Variants in TTC16 observed in about 807,000 individuals in gnomAD.
The protein encoded by TTC16 is tetratricopeptide repeat protein 16.
TTC16 carries 66 observed loss-of-function variants against 80.4 expected under a neutral mutation model. The observed-to-expected ratio is 0.82, with a 90% confidence interval of 0.67 to 1.01. The LOEUF (loss-of-function observed/expected upper bound fraction) is 1.01, where lower values mean the gene tolerates loss of function less well. Ranked by LOEUF, TTC16 falls within the 50% of genes least tolerant of loss-of-function variation. The pLI, the probability that TTC16 is intolerant of heterozygous loss-of-function variation, is 0.00. For synonymous variants in TTC16, 438 were observed against 451.3 expected (o/e 0.97, Z 0.37); for missense variants, 1,070 against 1,103.2 (o/e 0.97, Z 0.43).
At position 127,730,718 on chromosome 9, in the gene TTC16, C is replaced by T. The variant is rs1336723104; in HGVS notation, c.1935C>T (p.Phe645=). The part of the protein sequence containing the change: ...YRSTSATAVT[F]SDSSLLKTQS... ...GCACCTCAGCCACCGCCGTGACATT[C>T]TCTGACTCGTCACTGTTGAAGACGC... The change falls in exon 14 of 14, where the codon TTC becomes TTT. Residue 645 remains phenylalanine (F), a synonymous_variant. Transcript: ENST00000373289. The T allele has an allele frequency of 1.2e-6, 2 of 1,613,562 alleles. No individual in the cohort carries two copies. Among genetic ancestry groups the T allele is most frequent in the Non-Finnish European group, 8.5e-7 (1 of 1,180,048 alleles).
In TTC16 at chr9:127,717,602, T is replaced by C. The variant is rs73600074; in HGVS notation, c.283-27T>C. 11,329 of 1,610,620 alleles carry C rather than the reference T, an allele frequency of 7.0e-3. 398 individuals are homozygous for C. The African/African-American group carries it at 0.085, about 12-fold the overall frequency. The stretch of plus-strand genomic sequence containing the variant: ...CCAGGGGCAGATGGTGGGGAGGATC[T>C]AGCAGCCTGGGTCCCCTCACCCTCA... On this transcript the variant is annotated intron_variant, in intron 3 of 13. Transcript: ENST00000373289.
intron 6 of TTC16, among the ~76,000 whole-genome samples, chr9:127,721,764 C>T (rs947984101): frequency 1.3e-5 from 2 of 151,976 alleles, no homozygotes; most frequent in African/African-American, 2.4e-5. Flanking sequence ...AGTGCAGTGG[C>T]GAGATCTCGG....
rs1183517598 is a variant in TTC16, at chr9:127,718,319, C to A, written c.426+547C>A. Among the ~76,000 whole-genome samples, 2 of 152,118 alleles carry A rather than the reference C, an allele frequency of 1.3e-5. No homozygotes were observed. Among genetic ancestry groups the A allele is most frequent in the African/African-American group, 2.4e-5 (1 of 41,430 alleles). On this transcript the variant is annotated intron_variant, in intron 4 of 13. Transcript: ENST00000373289. The surrounding 1 kb of genome is among the most constrained non-coding windows in gnomAD (Gnocchi z 4.6). ...CCCAGGCTGGTCTTGAACTCCTGGG[C>A]TCAGGCAATCCACCCACCTCGGCCT... is the stretch of plus-strand genomic sequence containing the variant.
chr9:127,717,239 G>A (rs754797962), intron 2 of TTC16, 95 bp from the exon 3 acceptor site: 55 of 1,322,090 alleles, frequency 4.2e-5, no homozygotes, highest in Middle Eastern at 1.8e-4. Context: ...TCTCCACCCA[G>A]CTCCCTTGCT....
rs531626328 is a variant in TTC16 at position 127,718,126 on chromosome 9, C to T, written c.426+354C>T. On this transcript the variant is annotated intron_variant, in intron 4 of 13. Transcript: ENST00000373289. The surrounding 1 kb of genome is among the most constrained non-coding windows in gnomAD (Gnocchi z 4.6). ...TATTTTTGAGACAGTCTTGCTCTGT[C>T]ACCCAGGCTGCAGTGCAGTGGCACG... Among the ~76,000 whole-genome samples the T allele has an allele frequency of 3.7e-4, 57 of 152,200 alleles. No homozygotes were observed. Among genetic ancestry groups the T allele is most frequent in the African/African-American group, 1.3e-3 (56 of 41,524 alleles).
intron 2 of TTC16, 126 bp downstream of exon 2, chr9:127,717,142 C>T: frequency 1.5e-6 from 2 of 1,349,070 alleles, no homozygotes; most frequent in Non-Finnish European, 2.1e-6. Context: ...GGGGCTCTTC[C>T]ACCTCAGTGG....
Position 127,724,574 on chromosome 9 carries a change from G to A in TTC16, c.1118-182G>A, listed in dbSNP as rs965526033. On this transcript the variant is annotated intron_variant, in intron 8 of 13. Transcript: ENST00000373289. ...AAACTGGCTCCAGACTCCTTAAAATGCTCAAAACAGGCAGCTGGGGAACAG... is the reference window on the plus strand; with the variant it reads ...AAACTGGCTCCAGACTCCTTAAAATACTCAAAACAGGCAGCTGGGGAACAG... 1.8e-5 allele frequency: 20 copies of A among 1,100,698 alleles called. No homozygotes were observed. In the Admixed American group the frequency reaches 5.7e-4, roughly 31 times the overall value. 68.2% of individuals were successfully genotyped at this position (1,100,698 alleles called of 1,614,324 possible).
chr9:127,716,992 C>T lies in TTC16; in HGVS notation c.167C>T (p.Thr56Ile), dbSNP rs1843074316. Residue 56 changes from threonine (T) to isoleucine (I), a missense_variant, in exon 2 of 14, where the codon ACA (threonine) becomes ATA (isoleucine). Coordinates refer to ENST00000373289, the MANE Select transcript of TTC16 (RefSeq NM_144965.3). ...CDVKPKVTGL[T>I]VPLKVREYYS... is the part of the protein sequence containing the mutation. ...GTAAAACCAAAGGTCACAGGGTTAA[C>T]AGTGCCCCTCAAAGTCAGGGAATAG... The T allele has an allele frequency of 1.9e-6, 3 of 1,613,864 alleles. No homozygotes were observed. The highest frequency in any genetic ancestry group is 2.5e-6 in the Non-Finnish European group (3 of 1,179,758).
At chr9:127,726,425 G>T (rs774402451) in intron 10 of TTC16, 21 bp downstream of exon 10, 5 of 1,570,236 alleles carry the variant, frequency 3.2e-6, no homozygotes, top group Non-Finnish European at 3.5e-6. Flanking sequence ...GCCACGTCAG[G>T]AGTGTAGGCT....
chr9:127,718,750 C>T lies in TTC16; in HGVS notation c.426+978C>T, dbSNP rs970051161. On this transcript the variant is annotated intron_variant, in intron 4 of 13. Coordinates refer to ENST00000373289, the MANE Select transcript of TTC16 (RefSeq NM_144965.3). The surrounding 1 kb of genome is among the most constrained non-coding windows in gnomAD (Gnocchi z 4.6). ...AGGATTACAGATGTGCATCAACATG[C>T]CTGGCTAATTTTTGTACTTTTAATA... is the stretch of plus-strand genomic sequence containing the variant. 6.6e-6 allele frequency among the ~76,000 whole-genome samples: 1 copy of T among 152,052 alleles called. No homozygotes were observed. Among genetic ancestry groups the T allele is most frequent in the Non-Finnish European group, 1.5e-5 (1 of 68,016 alleles).
Position 127,717,415 on chromosome 9 carries a change from C to A in TTC16, c.273C>A (p.Asp91Glu). 4 of 1,612,882 alleles carry A rather than the reference C, an allele frequency of 2.5e-6. No homozygotes were observed. Among genetic ancestry groups the A allele is most frequent in the Non-Finnish European group, 2.5e-6 (3 of 1,179,482 alleles). Residue 91 changes from aspartate (D) to glutamate (E), a missense_variant, in exon 3 of 14, where the codon GAC becomes GAA. Transcript: ENST00000373289. ...VLLFSRALHL[D>E]PQLVDFYALR... ...TCTTCTCCCGCGCACTCCACCTGGACCCACAGCTGGTGAGAGGCAGACCTG... is the reference window on the plus strand; with the variant it reads ...TCTTCTCCCGCGCACTCCACCTGGAACCACAGCTGGTGAGAGGCAGACCTG...
intron 6 of TTC16, 51 bp from the exon 7 acceptor site, chr9:127,723,068 C>T (rs967946604): frequency 1.5e-5 from 24 of 1,585,184 alleles, no homozygotes; most frequent in Non-Finnish European, 2.1e-5. Context: ...GCCTCTAGGT[C>T]CCGTGGCTCA....
At chr9:127,720,713 T>A (rs1016455618) in intron 6 of TTC16, among the ~76,000 whole-genome samples, 1 of 151,734 alleles carries the variant, frequency 6.6e-6, no homozygotes, top group Non-Finnish European at 1.5e-5. Context: ...CCTGGGCAGA[T>A]GAGCACACTA....
At chr9:127,720,640 GC>G (rs770818529) in intron 6 of TTC16, among the ~76,000 whole-genome samples, 8 of 152,128 alleles carry the variant, frequency 5.3e-5, no homozygotes, top group Non-Finnish European at 1.0e-4. Context: ...CCCATGGGAA[GC>G]AAAAGATGAG....
At chr9:127,721,822 C>T (rs1359328223) in intron 6 of TTC16, among the ~76,000 whole-genome samples, 1 of 152,104 alleles carries the variant, frequency 6.6e-6, no homozygotes, top group East Asian at 1.9e-4. Flanking sequence ...CATGCCTCAG[C>T]CTCCTGAGTA....
At position 127,722,930 on chromosome 9, in the gene TTC16, T is replaced by C. The variant is rs1240056348; in HGVS notation, c.658-189T>C. ...TTGCAGTGAGCCAAGACCACGCCAT[T>C]GCACTCCAGCCTGGGTGACAGAGTG... is the stretch of plus-strand genomic sequence containing the variant. On this transcript the variant is annotated intron_variant, in intron 6 of 13. Transcript: ENST00000373289. The surrounding 1 kb of genome is among the most constrained non-coding windows in gnomAD (Gnocchi z 4.2). 6.7e-6 allele frequency among the ~76,000 whole-genome samples: 1 copy of C among 149,872 alleles called. No homozygotes were observed. The highest frequency in any genetic ancestry group is 2.5e-5 in the African/African-American group (1 of 40,466).
Position 127,720,401 on chromosome 9 carries a change from G to A in TTC16, c.657+6G>A. 1 of 1,612,298 alleles carries A rather than the reference G, an allele frequency of 6.2e-7. No individual in the cohort carries two copies. The highest frequency in any genetic ancestry group is 8.5e-7 in the Non-Finnish European group (1 of 1,179,674). On this transcript the variant is annotated splice_donor_region_variant and intron_variant, in intron 6 of 13. Coordinates refer to ENST00000373289, the MANE Select transcript of TTC16 (RefSeq NM_144965.3). Reference sequence around the variant, plus strand: ...TCTACAACTTTCTCCAGAAGGTACAGTGGGGAGGGCGGGCAGGGGCATGCC... The same window carrying A: ...TCTACAACTTTCTCCAGAAGGTACAATGGGGAGGGCGGGCAGGGGCATGCC...
In TTC16 at chr9:127,729,431, C is replaced by T. The variant is rs540520735; in HGVS notation, c.1765-150C>T. ...CCCTTCCTGCCAGGCTTAGCCTCTG[C>T]GTGTCCCCACCCCACTCTAACCTGG... On this transcript the variant is annotated intron_variant, in intron 12 of 13. Transcript: ENST00000373289. 9.5e-6 allele frequency: 6 copies of T among 631,454 alleles called. No homozygotes were observed. In the African/African-American group the frequency reaches 1.1e-4, roughly 12 times the overall value. 39.1% of individuals were successfully genotyped at this position (631,454 alleles called of 1,614,324 possible).
intron 13 of TTC16, chr9:127,730,254 G>A: frequency 3.3e-6 from 1 of 305,458 alleles, no homozygotes; most frequent in Admixed American, 4.6e-5. Flanking sequence ...CAGACACAGT[G>A]CGGGGGAAGC....
Sources: gnomAD v4.1 joint callset for allele counts (sites outside exome capture counted in the v4.1 genomes callset) on GRCh38, gnomAD v4.1.1 for gene constraint, Gnocchi (gnomAD v3.1) non-coding constraint, MANE v1.5 for transcripts, NCBI Gene and HGNC (gene_info 2026-07-23, HGNC 2026-07-21) for gene names.